The following EYS variants were observed in gnomAD, a reference collection of about 807,000 sequenced individuals.
EYS encodes EGF-like photoreceptor maintenance factor.
EYS carries 250 observed loss-of-function variants against 282.1 expected under a neutral mutation model. The observed-to-expected ratio is 0.89, with a 90% CI of 0.80 to 0.98. The LOEUF (loss-of-function observed/expected upper bound fraction) is 0.98. EYS is among the 50% of genes least tolerant of loss of function. The pLI, the probability that EYS is intolerant of heterozygous loss-of-function variation, is 0.00. For synonymous variants in EYS, 1,355 were observed against 1,282.9 expected (o/e 1.06, Z -1.20); for missense variants, 4,016 against 3,709.0 (o/e 1.08, Z -2.15).
chr6:64,223,350 C>T (rs1766159453), intron 31 of EYS, among the ~76,000 whole-genome samples: 1 of 151,998 alleles, frequency 6.6e-6, no homozygotes, highest in South Asian at 2.1e-4. Context: ...GTAAATTCAT[C>T]AAATGTTAAG....
At chr6:64,533,167 T>C (rs1030231538) in intron 26 of EYS, among the ~76,000 whole-genome samples, 2 of 152,078 alleles carry the variant, frequency 1.3e-5, no homozygotes, top group African/African-American at 4.8e-5. Context: ...TAAATCAACA[T>C]AAAGAGAAAA....
chr6:64,082,289 T>A (rs943516923), intron 31 of EYS, among the ~76,000 whole-genome samples: 4 of 152,170 alleles, frequency 2.6e-5, no homozygotes, highest in African/African-American at 9.7e-5. Context: ...TGAAAAAAAT[T>A]TGTGTACTTG....
At chr6:63,804,406 G>C (rs1189911070) in intron 37 of EYS, among the ~76,000 whole-genome samples, 1 of 152,202 alleles carries the variant, frequency 6.6e-6, no homozygotes, top group Non-Finnish European at 1.5e-5. Context: ...ATACTCATTT[G>C]ATAGGTTAGA....
At chr6:63,974,128 T>C (rs977363363) in intron 35 of EYS, among the ~76,000 whole-genome samples, 3 of 152,116 alleles carry the variant, frequency 2.0e-5, no homozygotes, top group African/African-American at 7.2e-5. Flanking sequence ...TTTGCTCTGT[T>C]TTCATTTTGT....
At chr6:65,630,581 T>C (rs1257945625) in intron 2 of EYS, among the ~76,000 whole-genome samples, 2 of 152,202 alleles carry the variant, frequency 1.3e-5, no homozygotes, top group Non-Finnish European at 2.9e-5. Flanking sequence ...AAGTCTCAGG[T>C]TGCATAACAA....
chr6:65,145,498 C>G (rs1764455534), intron 12 of EYS, among the ~76,000 whole-genome samples: 1 of 149,018 alleles, frequency 6.7e-6, no homozygotes, highest in African/African-American at 2.5e-5. Context: ...CCAGGTCTGT[C>G]AGACTATGTA....
intron 31 of EYS, among the ~76,000 whole-genome samples, chr6:64,109,937 C>A (rs1490432363): frequency 6.6e-6 from 1 of 151,948 alleles, no homozygotes; most frequent in Non-Finnish European, 1.5e-5. Flanking sequence ...TATTGTAAAC[C>A]AATTTTCTCT....
intron 31 of EYS, among the ~76,000 whole-genome samples, chr6:64,178,176 A>C (rs1475923316): frequency 6.6e-6 from 1 of 152,088 alleles, no homozygotes; most frequent in East Asian, 1.9e-4. Context: ...TGTATGTTTT[A>C]CTAGAAAGCC....
intron 9 of EYS, among the ~76,000 whole-genome samples, chr6:65,350,047 G>T (rs972592878): frequency 4.6e-5 from 7 of 151,410 alleles, no homozygotes; most frequent in Non-Finnish European, 1.0e-4. Flanking sequence ...TTAATTAAGA[G>T]AATTCTCTTT....
At chr6:65,164,622 G>C (rs920477188) in intron 12 of EYS, among the ~76,000 whole-genome samples, 1 of 151,156 alleles carries the variant, frequency 6.6e-6, no homozygotes, top group African/African-American at 2.4e-5. Flanking sequence ...CACTGTTTTA[G>C]AAAATCTGTA....
intron 19 of EYS, among the ~76,000 whole-genome samples, chr6:64,828,680 C>A (rs961733614): frequency 1.3e-5 from 2 of 151,840 alleles, no homozygotes; most frequent in Non-Finnish European, 2.9e-5. Context: ...TTTGGCAAGA[C>A]CAGTGGCAAT....
intron 12 of EYS, among the ~76,000 whole-genome samples, chr6:65,293,983 G>C (rs1768596089): frequency 6.6e-6 from 1 of 151,682 alleles, no homozygotes; most frequent in Non-Finnish European, 1.5e-5. Context: ...CGGAGGGAGA[G>C]AAAGCAAATG....
intron 29 of EYS, among the ~76,000 whole-genome samples, chr6:64,319,652 T>C (rs1770129106): frequency 6.6e-6 from 1 of 151,994 alleles, no homozygotes; most frequent in Non-Finnish European, 1.5e-5. Context: ...TGTGTGTGTG[T>C]ATGTGTGTGT....
At chr6:65,110,034 C>A (rs1394585357) in intron 12 of EYS, among the ~76,000 whole-genome samples, 1 of 152,104 alleles carries the variant, frequency 6.6e-6, no homozygotes, top group African/African-American at 2.4e-5. Context: ...TATAAAACAT[C>A]TCAAACTATG....
chr6:65,477,922 T>C (rs995479656), intron 5 of EYS, among the ~76,000 whole-genome samples: 2 of 152,186 alleles, frequency 1.3e-5, no homozygotes, highest in African/African-American at 4.8e-5. Context: ...TAAAAAATTG[T>C]GTCATACCTA....
intron 36 of EYS, among the ~76,000 whole-genome samples, chr6:63,825,777 G>A (rs1388974703): frequency 6.6e-6 from 1 of 152,110 alleles, no homozygotes; most frequent in Admixed American, 6.5e-5. Context: ...CTCTGACAGA[G>A]CCCACCCAAA....
At chr6:64,603,167 G>C (rs927718325) in intron 24 of EYS, among the ~76,000 whole-genome samples, 1 of 151,982 alleles carries the variant, frequency 6.6e-6, no homozygotes, top group Non-Finnish European at 1.5e-5. Context: ...TTTAAACCAG[G>C]AAAGATTTAT....
intron 19 of EYS, among the ~76,000 whole-genome samples, chr6:64,865,111 T>G (rs1264341259): frequency 6.6e-6 from 1 of 152,188 alleles, no homozygotes; most frequent in Non-Finnish European, 1.5e-5. Flanking sequence ...GGATATTGGT[T>G]GCTTTATAAC....
At chr6:63,907,639 G>A (rs1394088586) in intron 35 of EYS, among the ~76,000 whole-genome samples, 1 of 151,996 alleles carries the variant, frequency 6.6e-6, no homozygotes, top group African/African-American at 2.4e-5. Context: ...TTTTTTATCT[G>A]TATAAATTTA....
Sources: gnomAD v4.1 joint callset for allele counts (sites outside exome capture counted in the v4.1 genomes callset) on GRCh38, gnomAD v4.1.1 for gene constraint, MANE v1.5 for transcripts, NCBI Gene and HGNC (gene_info 2026-07-23, HGNC 2026-07-21) for gene names.